The following PARD3 variants were observed in gnomAD, a reference collection of about 807,000 sequenced individuals.
PARD3 encodes the protein partitioning defective 3 homolog.
A neutral mutation model predicts 155.4 loss-of-function variants in PARD3; 75 were observed. The ratio of observed to expected loss-of-function variants is 0.48; its 90% CI spans 0.40 to 0.58. PARD3 has a LOEUF of 0.58. Ranked by LOEUF, PARD3 falls within the 20% of genes least tolerant of loss-of-function variation. PARD3 has a pLI of 0.00. For missense variants in PARD3, 1,642 were observed against 1,721.7 expected (o/e 0.95, Z 0.82); for synonymous variants, 576 against 610.5 (o/e 0.94, Z 0.83).
At chr10:34,172,211 T>G (rs533850319) in intron 22 of PARD3, among the ~76,000 whole-genome samples, 1 of 152,124 alleles carries the variant, frequency 6.6e-6, no homozygotes, top group African/African-American at 2.4e-5. Flanking sequence ...GGCTTAGATA[T>G]AAAAGGGAAA....
chr10:34,755,779 C>T (rs900712458), intron 1 of PARD3, among the ~76,000 whole-genome samples: 1 of 151,540 alleles, frequency 6.6e-6, no homozygotes, highest in Non-Finnish European at 1.5e-5. Flanking sequence ...CTTTTTTTTG[C>T]CATTTTTCCC....
chr10:34,766,776 G>A (rs550300073), intron 1 of PARD3, among the ~76,000 whole-genome samples: 2 of 152,258 alleles, frequency 1.3e-5, no homozygotes, highest in South Asian at 2.1e-4. Flanking sequence ...AGACAACTAT[G>A]CACACAATTA....
At chr10:34,202,330 C>G (rs539464263) in intron 22 of PARD3, among the ~76,000 whole-genome samples, 1 of 152,310 alleles carries the variant, frequency 6.6e-6, no homozygotes, top group Admixed American at 6.5e-5. Flanking sequence ...GCCTTGGCCT[C>G]CCAAAGTGCT....
intron 20 of PARD3, among the ~76,000 whole-genome samples, chr10:34,287,105 G>A (rs1157228459): frequency 1.3e-5 from 2 of 152,046 alleles, no homozygotes; most frequent in Non-Finnish European, 2.9e-5. Context: ...AGCATAAGGC[G>A]GGATGGATTA....
At chr10:34,424,579 G>T (rs2075490544) in intron 5 of PARD3, among the ~76,000 whole-genome samples, 1 of 151,932 alleles carries the variant, frequency 6.6e-6, no homozygotes, top group African/African-American at 2.4e-5. Context: ...CAATGGCATG[G>T]TCTCAGCTCA....
intron 1 of PARD3, among the ~76,000 whole-genome samples, chr10:34,763,391 G>C (rs890442703): frequency 9.2e-5 from 14 of 152,300 alleles, no homozygotes; most frequent in African/African-American, 3.1e-4. Flanking sequence ...GGTTGTCTGT[G>C]ATATTAAGTG....
At chr10:34,637,409 G>A (rs749677134) in intron 2 of PARD3, among the ~76,000 whole-genome samples, 1 of 152,166 alleles carries the variant, frequency 6.6e-6, no homozygotes. Context: ...GTCCATTAAC[G>A]TGAGAGCTCA....
At position 34,540,069 on chromosome 10, in the gene PARD3, G is replaced by A. The variant is rs2083494767; in HGVS notation, c.223-22910C>T. Among the ~76,000 whole-genome samples the A allele has an allele frequency of 5.3e-5, 8 of 152,294 alleles. No homozygotes were observed. In the South Asian group the frequency reaches 1.7e-3, roughly 32 times the overall value. On this transcript the variant is annotated intron_variant, in intron 2 of 24. Transcript: ENST00000374788. ...CAGAGTCCCTGGAACAGAAGCCTCA[G>A]GAGCCACCGTGTCCTTTCCCAGGGT...
At chr10:34,523,459 G>T (rs2082279151) in intron 2 of PARD3, among the ~76,000 whole-genome samples, 1 of 152,066 alleles carries the variant, frequency 6.6e-6, no homozygotes, top group South Asian at 2.1e-4. Context: ...TCATATTTTG[G>T]CCCTGGATAA....
At chr10:34,543,122 GA>G (rs1038737927) in intron 2 of PARD3, among the ~76,000 whole-genome samples, 3 of 150,768 alleles carry the variant, frequency 2.0e-5, no homozygotes, top group South Asian at 4.2e-4. Flanking sequence ...CAATTTAGGG[GA>G]AAAAAAAGCA....
At chr10:34,320,285 G>A (rs1287614245) in intron 19 of PARD3, among the ~76,000 whole-genome samples, 1 of 152,140 alleles carries the variant, frequency 6.6e-6, no homozygotes, top group Non-Finnish European at 1.5e-5. Flanking sequence ...ACACTAGGTA[G>A]GAATGCTCAT....
At chr10:34,350,552 G>A (rs1445014356) in intron 14 of PARD3, among the ~76,000 whole-genome samples, 1 of 145,200 alleles carries the variant, frequency 6.9e-6, no homozygotes, top group East Asian at 2.1e-4. Flanking sequence ...AGAATTGCTT[G>A]AACCCAGGAG....
chr10:34,344,080 G>C, intron 15 of PARD3: 1 of 956,966 alleles, frequency 1.0e-6, no homozygotes, highest in Non-Finnish European at 1.2e-6. Context: ...AAACTACTGA[G>C]ATAAATTCTA....
chr10:34,575,524 C>A (rs56875297), intron 2 of PARD3, among the ~76,000 whole-genome samples: 1 of 152,122 alleles, frequency 6.6e-6, no homozygotes, highest in Non-Finnish European at 1.5e-5. Flanking sequence ...TAATAAGAAA[C>A]CCCAGGCCTG....
intron 2 of PARD3, among the ~76,000 whole-genome samples, chr10:34,535,766 C>G (rs950309980): frequency 6.6e-6 from 1 of 151,654 alleles, no homozygotes; most frequent in Non-Finnish European, 1.5e-5. Context: ...GTGAGCCACC[C>G]TGCCTGGCCA....
At chr10:34,487,475 T>C (rs1309452718) in intron 3 of PARD3, among the ~76,000 whole-genome samples, 1 of 152,058 alleles carries the variant, frequency 6.6e-6, no homozygotes, top group African/African-American at 2.4e-5. Context: ...TCACATTGAT[T>C]GTCTCAAGTA....
chr10:34,544,445 ATCTT>A (rs2083884567), intron 2 of PARD3, among the ~76,000 whole-genome samples: 1 of 152,204 alleles, frequency 6.6e-6, no homozygotes, highest in South Asian at 2.1e-4. Context: ...AAGTTTGCCC[ATCTT>A]AAATGCTATT....
At chr10:34,785,640 G>A (rs1564617902) in intron 1 of PARD3, among the ~76,000 whole-genome samples, 1 of 152,098 alleles carries the variant, frequency 6.6e-6, no homozygotes, top group Non-Finnish European at 1.5e-5. Context: ...GAGAGGCTGA[G>A]GTGGGAGGAT....
chr10:34,731,872 T>G (rs1378015941), intron 1 of PARD3, among the ~76,000 whole-genome samples: 1 of 152,170 alleles, frequency 6.6e-6, no homozygotes, highest in Non-Finnish European at 1.5e-5. Flanking sequence ...GCCCACTAAA[T>G]TCAGTGAGAC....
Sources: allele counts gnomAD v4.1 joint callset (sites outside exome capture counted in the v4.1 genomes callset), GRCh38; gene constraint gnomAD v4.1.1; transcripts MANE v1.5; gene names NCBI Gene and HGNC (gene_info 2026-07-23, HGNC 2026-07-21).